The following CARD6 variants were observed in gnomAD, a reference collection of about 807,000 sequenced individuals.
The protein encoded by CARD6 is caspase recruitment domain family member 6, also known as caspase recruitment domain-containing protein 6.
CARD6 carries 27 observed loss-of-function variants against 23.6 expected under a neutral mutation model. The observed-to-expected ratio is 1.14, with a 90% confidence interval of 0.84 to 1.58. CARD6 has a LOEUF of 1.58. Ranked by LOEUF, CARD6 falls within the 40% of genes most tolerant of loss-of-function variation. The pLI is 0.00. For missense variants in CARD6, 1,214 were observed against 1,209.9 expected (o/e 1.00, Z -0.05); for synonymous variants, 397 against 431.8 (o/e 0.92, Z 1.00).
chr5:40,853,227 T>C lies in CARD6; in HGVS notation c.1895T>C (p.Val632Ala). The change falls in exon 3 of 3, where the codon GTG becomes GCG. Residue 632 changes from valine to alanine, a missense_variant. Physicochemically the swap from Val to Ala is moderately conservative, Grantham distance 64 (BLOSUM62 0). Transcript: ENST00000254691. The stretch of plus-strand genomic sequence containing the variant: ...GGCCTTCAAGCTGCCCTCCAGGAAG[T>C]GATGTTCTCTTCTTGCCTCAGATGT... ...MEGLQAALQE[V>A]MFSSCLRCVS... 1.2e-6 allele frequency: 2 copies of C among 1,614,094 alleles called. No homozygotes were observed. Among genetic ancestry groups the C allele is most frequent in the South Asian group, 1.1e-5 (1 of 91,074 alleles).
chr5:40,851,188 G>A (rs1382384583), intron 2 of CARD6, among the ~76,000 whole-genome samples: 1 of 151,902 alleles, frequency 6.6e-6, no homozygotes, highest in Non-Finnish European at 1.5e-5. Context: ...AAATTAGCTT[G>A]GTGTGGTGGC....
At chr5:40,850,903 C>T (rs1746054196) in intron 2 of CARD6, among the ~76,000 whole-genome samples, 1 of 151,840 alleles carries the variant, frequency 6.6e-6, no homozygotes, top group African/African-American at 2.4e-5. Context: ...CCATCCAAAC[C>T]ATGGAGTACC....
rs1746121581 is a variant in CARD6, at chr5:40,853,487, T to A, written c.2155T>A (p.Tyr719Asn). Residue 719 changes from tyrosine to asparagine, a missense_variant, in exon 3 of 3, where the codon TAT (tyrosine) becomes AAT (asparagine). By Grantham distance (143) the Tyr-to-Asn change is moderately radical. Coordinates refer to ENST00000254691, the MANE Select transcript of CARD6 (RefSeq NM_032587.4). The part of the protein sequence containing the change: ...CELSQNLQNL[Y>N]GTPVFRPVLE... The stretch of plus-strand genomic sequence containing the variant: ...GCTCAGCCAGAATCTTCAGAATCTC[T>A]ATGGTACCCCAGTATTCAGGCCTGT... 1.2e-6 allele frequency: 2 copies of A among 1,613,874 alleles called. No individual in the cohort carries two copies. Among genetic ancestry groups the A allele is most frequent in the African/African-American group, 2.7e-5 (2 of 74,944 alleles).
In CARD6 at chr5:40,843,691, C is replaced by T. The variant is rs368349193; in HGVS notation, c.823C>T (p.Gln275Ter). The change falls in exon 2 of 3, where the codon CAG (glutamine) becomes TAG (stop). Residue 275 changes from glutamine (Q) to a stop codon, truncating the protein, a stop_gained. Transcript: ENST00000254691. LOFTEE classifies it low-confidence loss of function (END_TRUNC). ...AACCAGCCTTTCATTGGAGGAGGAA[C>T]AGGAGAAAAGTATAGAAGGTATGGA... ...SETSLSLEEE[Q>*]EKSIEERKKV... is the part of the protein sequence containing the mutation. 4 of 1,545,320 alleles carry T rather than the reference C, an allele frequency of 2.6e-6. No homozygotes were observed. The African/African-American group carries it at 4.2e-5, about 16-fold the overall frequency.
Position 40,852,566 on chromosome 5 carries a change from G to T in CARD6, c.1234G>T (p.Ala412Ser). ...QFALPLLLPD[A>S]ENNKSILMLG... is the part of the protein sequence containing the mutation. ...TGCTCTTCCCCTGCTACTGCCAGAT[G>T]CAGAAAACAACAAAAGCATCTTAAT... Residue 412 changes from alanine (A) to serine (S), a missense_variant, in exon 3 of 3, where the codon GCA (alanine) becomes TCA (serine). Transcript: ENST00000254691. The T allele has an allele frequency of 6.2e-7, 1 of 1,614,174 alleles. No individual in the cohort carries two copies. The highest frequency in any genetic ancestry group is 8.5e-7 in the Non-Finnish European group (1 of 1,180,036).
intron 2 of CARD6, among the ~76,000 whole-genome samples, chr5:40,850,587 C>CGGCG (rs2112174717): frequency 6.8e-6 from 1 of 147,014 alleles, no homozygotes; most frequent in African/African-American, 2.5e-5. Context: ...CTGGGTGTGA[C>CGGCG]GGCGGGCGCC....
At position 40,853,961 on chromosome 5, in the gene CARD6, G is replaced by C; in HGVS notation, c.2629G>C (p.Glu877Gln). 6.2e-7 allele frequency: 1 copy of C among 1,614,178 alleles called. No homozygotes were observed. Among genetic ancestry groups the C allele is most frequent in the Non-Finnish European group, 8.5e-7 (1 of 1,180,034 alleles). ...TCAGCAAGCTTGCACCAGGGTAACA[G>C]AGTTAACTGAAGCAACTGGAAAACT... ...WPQQACTRVT[E>Q]LTEATGKLIR... The change falls in exon 3 of 3, where the codon GAG becomes CAG. Residue 877 changes from glutamate (E) to glutamine (Q), a missense_variant. Physicochemically the swap from Glu to Gln is conservative, Grantham distance 29. Transcript: ENST00000254691.
In CARD6 at chr5:40,854,059, A is replaced by G; in HGVS notation, c.2727A>G (p.Arg909=). ...FQPAAATQKL[R]PASQQGVQMK... is the part of the protein sequence containing the mutation. ...CAGCAGCAGCCACACAAAAACTAAG[A>G]CCTGCTTCTCAGCAAGGAGTCCAGA... The change falls in exon 3 of 3, where the codon AGA becomes AGG. Residue 909 remains arginine, a synonymous_variant. Coordinates refer to ENST00000254691, the MANE Select transcript of CARD6 (RefSeq NM_032587.4). 6.2e-7 allele frequency: 1 copy of G among 1,614,128 alleles called. No individual in the cohort carries two copies. The highest frequency in any genetic ancestry group is 8.5e-7 in the Non-Finnish European group (1 of 1,180,036).
chr5:40,843,065 G>A (rs563777427), intron 1 of CARD6, 87 bp from the exon 2 acceptor site: 2 of 797,486 alleles, frequency 2.5e-6, no homozygotes, highest in Non-Finnish European at 4.0e-6. Context: ...AATAAAAGGA[G>A]AGGGATGAAG....
chr5:40,854,387 C>A lies in CARD6; in HGVS notation c.3055C>A (p.Pro1019Thr). The change falls in exon 3 of 3, where the codon CCT (proline) becomes ACT (threonine). Residue 1019 changes from proline to threonine, a missense_variant. Physicochemically the swap from Pro to Thr is conservative, Grantham distance 38. Coordinates refer to ENST00000254691, the MANE Select transcript of CARD6 (RefSeq NM_032587.4). ...PPQPKSSSTN[P>T]SQAKAHHSKA... ...TCAACCTAAGTCATCCTCAACCAAT[C>A]CTTCACAAGCTAAGGCACACCACTC... 6.2e-7 allele frequency: 1 copy of A among 1,614,142 alleles called. No homozygotes were observed. The highest frequency in any genetic ancestry group is 1.1e-5 in the South Asian group (1 of 91,084).
chr5:40,847,671 A>G (rs1413220605), intron 2 of CARD6, among the ~76,000 whole-genome samples: 5 of 151,752 alleles, frequency 3.3e-5, no homozygotes, highest in South Asian at 2.1e-4. Context: ...TTTAGCTTCC[A>G]TTGTTTCTGA....
In CARD6 at chr5:40,853,384, G is replaced by A; in HGVS notation, c.2052G>A (p.Gln684=). Residue 684 remains glutamine, a synonymous_variant, in exon 3 of 3, where the codon CAG becomes CAA. Coordinates refer to ENST00000254691, the MANE Select transcript of CARD6 (RefSeq NM_032587.4). ...NMAGTAEGEG[Q]QRHSQLKSSS... ...CTGGGACAGCTGAAGGTGAGGGTCAGCAAAGACACAGTCAGCTAAAAAGCT... is the reference window on the plus strand; with the variant it reads ...CTGGGACAGCTGAAGGTGAGGGTCAACAAAGACACAGTCAGCTAAAAAGCT... The A allele has an allele frequency of 1.9e-6, 3 of 1,614,120 alleles. No individual in the cohort carries two copies. In the Admixed American group the frequency reaches 5.0e-5, roughly 27 times the overall value.
In CARD6 at chr5:40,853,306, T is replaced by C. The variant is rs771643455; in HGVS notation, c.1974T>C (p.Asp658=). ...ALARELGIQV[D]EDFENTQRIQ... is the part of the protein sequence containing the mutation. ...CCAGGGAGCTGGGGATTCAGGTAGA[T>C]GAAGACTTTGAAAACACTCAGAGAA... Residue 658 remains aspartate, a synonymous_variant, in exon 3 of 3, where the codon GAT becomes GAC. Coordinates refer to ENST00000254691, the MANE Select transcript of CARD6 (RefSeq NM_032587.4). 1 of 1,614,142 alleles carries C rather than the reference T, an allele frequency of 6.2e-7. No individual in the cohort carries two copies. Among genetic ancestry groups the C allele is most frequent in the Non-Finnish European group, 8.5e-7 (1 of 1,180,000 alleles).
chr5:40,852,079 C>A, intron 2 of CARD6, 95 bp from the exon 3 acceptor site: 1 of 739,522 alleles, frequency 1.4e-6, no homozygotes, highest in Admixed American at 2.8e-5. Context: ...TGGATTCCAG[C>A]CTAGGTGATG....
Position 40,841,415 on chromosome 5 carries a change from A to G in CARD6, c.33A>G (p.Ile11Met). The change falls in exon 1 of 3, where the codon ATA becomes ATG. Residue 11 changes from isoleucine (I) to methionine (M), a missense_variant. Transcript: ENST00000254691. The part of the protein sequence containing the change: MATESTPSEI[I>M]ERERKKLLEI... ...CCGAGAGTACTCCCTCAGAGATCAT[A>G]GAAAGAGAAAGAAAAAAGTTGCTTG... is the stretch of plus-strand genomic sequence containing the variant. The G allele has an allele frequency of 6.2e-7, 1 of 1,612,200 alleles. No homozygotes were observed. Among genetic ancestry groups the G allele is most frequent in the South Asian group, 1.1e-5 (1 of 90,900 alleles).
intron 2 of CARD6, among the ~76,000 whole-genome samples, chr5:40,846,070 T>C (rs1260641458): frequency 6.6e-6 from 1 of 151,722 alleles, no homozygotes; most frequent in African/African-American, 2.4e-5. Context: ...TGGAGTGCAG[T>C]GGCATGATCT....
intron 1 of CARD6, among the ~76,000 whole-genome samples, chr5:40,842,073 C>T (rs1313775249): frequency 3.3e-5 from 5 of 152,158 alleles, no homozygotes; most frequent in African/African-American, 1.2e-4. Flanking sequence ...CTTAGTATAG[C>T]CGTTTTGAAA....
chr5:40,848,210 GTTT>G (rs200993412), intron 2 of CARD6, among the ~76,000 whole-genome samples: 3 of 124,942 alleles, frequency 2.4e-5, no homozygotes, highest in African/African-American at 3.0e-5. Flanking sequence ...AATTTTAATT[GTTT>G]TTTTTTTTTT....
At chr5:40,845,273 T>C (rs1020331544) in intron 2 of CARD6, among the ~76,000 whole-genome samples, 1 of 152,168 alleles carries the variant, frequency 6.6e-6, no homozygotes, top group Non-Finnish European at 1.5e-5. Context: ...CCCTCTGATA[T>C]GCCTTCACCT....
Sources: allele counts gnomAD v4.1 joint callset (sites outside exome capture counted in the v4.1 genomes callset), GRCh38; gene constraint gnomAD v4.1.1; transcripts MANE v1.5; gene names NCBI Gene and HGNC (gene_info 2026-07-23, HGNC 2026-07-21).